RBFOX1: variants seen among roughly 807,000 people sequenced by gnomAD.
RBFOX1 encodes the protein RNA binding fox-1 homolog 1, also known as RNA binding protein fox-1 homolog 1.
A neutral mutation model predicts 57.7 loss-of-function variants in RBFOX1; 8 were observed. That is an observed-to-expected ratio of 0.14 (90% CI 0.08 to 0.25). RBFOX1 has a LOEUF of 0.25. RBFOX1 is among the 10% of genes least tolerant of loss of function. The pLI is 1.00. For missense variants in RBFOX1, 611 were observed against 548.5 expected (o/e 1.11, Z -1.14); for synonymous variants, 326 against 222.4 (o/e 1.47, Z -4.15).
At chr16:5,555,222 A>C (rs1036769309) in intron 2 of RBFOX1, among the ~76,000 whole-genome samples, 1 of 152,140 alleles carries the variant, frequency 6.6e-6, no homozygotes, top group African/African-American at 2.4e-5. Context: ...GTGCAAAAGT[A>C]ATTGCGGTTT....
chr16:6,880,832 G>C (rs531112704), intron 3 of RBFOX1, among the ~76,000 whole-genome samples: 1 of 152,194 alleles, frequency 6.6e-6, no homozygotes, highest in Non-Finnish European at 1.5e-5. Context: ...ATATAAATGT[G>C]TTGGAATTGC....
In RBFOX1 at chr16:5,424,984, T is replaced by TTC. The variant is rs2067497150; in HGVS notation, c.220-42231_220-42230insCT. Among the ~76,000 whole-genome samples the TTC allele has an allele frequency of 4.4e-5, 3 of 68,918 alleles. No individual in the cohort carries two copies. In the Admixed American group the frequency reaches 4.7e-4, roughly 11 times the overall value. 45.2% of individuals were successfully genotyped at this position (68,918 alleles called of 152,430 possible). On this transcript the variant is annotated intron_variant, in intron 1 of 2. Coordinates refer to the RBFOX1 transcript ENST00000585867. ...TCTTTCTCTTTCTTTCTTTCTTTTC[T>TTC]TTTCTTTTCTTTTCTTTTCTTTTCT...
intron 3 of RBFOX1, among the ~76,000 whole-genome samples, chr16:5,790,010 G>A (rs2054635335): frequency 6.6e-6 from 1 of 152,190 alleles, no homozygotes; most frequent in African/African-American, 2.4e-5. Context: ...TCTCTCCCAT[G>A]TGATGTGTGA....
chr16:5,739,500 A>G (rs1012487699), intron 3 of RBFOX1, among the ~76,000 whole-genome samples: 3 of 152,206 alleles, frequency 2.0e-5, no homozygotes, highest in African/African-American at 7.2e-5. Flanking sequence ...AAAGCATAAG[A>G]GTACTTGTGT....
rs1254609473 is a variant in RBFOX1 at position 7,071,861 on chromosome 16, T to A, written c.27+19763T>A. 3.9e-5 allele frequency among the ~76,000 whole-genome samples: 6 copies of A among 152,082 alleles called. No homozygotes were observed. The East Asian group carries it at 9.6e-4, about 24-fold the overall frequency. ...CTGCTCTTCCTCCCTTATCATGTCT[T>A]TTTACAACAGCTCCTAATTCAGTTG... On this transcript the variant is annotated intron_variant, in intron 4 of 15. Transcript: ENST00000550418.
intron 2 of RBFOX1, among the ~76,000 whole-genome samples, chr16:6,339,227 G>T (rs2084186060): frequency 6.6e-6 from 1 of 152,204 alleles, no homozygotes; most frequent in African/African-American, 2.4e-5. Flanking sequence ...ATTGAGGAGT[G>T]TCCTTAGAGG....
intron 3 of RBFOX1, among the ~76,000 whole-genome samples, chr16:6,953,616 A>T (rs1598268438): frequency 1.3e-5 from 2 of 152,268 alleles, no homozygotes; most frequent in Admixed American, 1.3e-4. Context: ...GAAACTGCTG[A>T]CTTGAAGTGA....
intron 2 of RBFOX1, among the ~76,000 whole-genome samples, chr16:6,507,819 G>T (rs762284948): frequency 8.5e-5 from 13 of 152,170 alleles, no homozygotes; most frequent in African/African-American, 3.1e-4. Context: ...GGGCTAGAAG[G>T]AGGGGGGAAT....
chr16:5,301,149 C>T lies in RBFOX1; in HGVS notation c.219+61044C>T, dbSNP rs116271073. Reference sequence around the variant, plus strand: ...CTTCGAGACCAGTTTACAGAAAGACCGTTGCTTCCATCTTGTTTGTTCTTT... The same window carrying T: ...CTTCGAGACCAGTTTACAGAAAGACTGTTGCTTCCATCTTGTTTGTTCTTT... On this transcript the variant is annotated intron_variant, in intron 1 of 2. Transcript: ENST00000585867. Among the ~76,000 whole-genome samples, 532 of 152,202 alleles carry T rather than the reference C, an allele frequency of 3.5e-3. 2 individuals are homozygous for T. Among genetic ancestry groups the T allele is most frequent in the African/African-American group, 0.012 (499 of 41,532 alleles).
intron 2 of RBFOX1, among the ~76,000 whole-genome samples, chr16:6,472,441 G>A (rs536408141): frequency 3.0e-4 from 46 of 152,242 alleles, no homozygotes; most frequent in Non-Finnish European, 5.4e-4. Flanking sequence ...TCTGCACTTG[G>A]CCCAAGTCAA....
At chr16:5,877,419 G>C (rs1014182033) in intron 4 of RBFOX1, among the ~76,000 whole-genome samples, 3 of 152,246 alleles carry the variant, frequency 2.0e-5, no homozygotes, top group African/African-American at 4.8e-5. Flanking sequence ...TGGGTTCAAG[G>C]GGGAGAGTGA....
At chr16:7,056,543 T>C (rs1335432155) in intron 4 of RBFOX1, among the ~76,000 whole-genome samples, 1 of 152,152 alleles carries the variant, frequency 6.6e-6, no homozygotes, top group Non-Finnish European at 1.5e-5. Context: ...CTCCAGCATC[T>C]GCACCAACAG....
chr16:7,569,893 G>A (rs2092594932), intron 5 of RBFOX1, among the ~76,000 whole-genome samples: 1 of 152,088 alleles, frequency 6.6e-6, no homozygotes, highest in African/African-American at 2.4e-5. Context: ...TACAGCTAGT[G>A]AACTTGATTT....
At chr16:5,526,382 G>A (rs895483178) in intron 2 of RBFOX1, among the ~76,000 whole-genome samples, 2 of 152,208 alleles carry the variant, frequency 1.3e-5, no homozygotes, top group South Asian at 4.1e-4. Flanking sequence ...CCTGCCTCCC[G>A]GGGTCAAGTG....
intron 1 of RBFOX1, among the ~76,000 whole-genome samples, chr16:6,220,608 G>A (rs1051337393): frequency 6.6e-6 from 1 of 152,122 alleles, no homozygotes; most frequent in Non-Finnish European, 1.5e-5. Context: ...TTTTATTGTA[G>A]CCATAAACTA....
At chr16:6,246,961 T>G in intron 1 of RBFOX1, among the ~76,000 whole-genome samples, 1 of 152,036 alleles carries the variant, frequency 6.6e-6, no homozygotes, top group East Asian at 1.9e-4. Flanking sequence ...TCCCAGCCGC[T>G]TGGGAGGCTG....
chr16:5,559,597 C>A (rs924201232), intron 2 of RBFOX1, among the ~76,000 whole-genome samples: 4 of 152,186 alleles, frequency 2.6e-5, no homozygotes, highest in Non-Finnish European at 4.4e-5. Context: ...GGTTCCCCTG[C>A]CCTAAAGGCG....
chr16:6,973,133 A>G (rs573754918), intron 3 of RBFOX1, among the ~76,000 whole-genome samples: 1 of 152,164 alleles, frequency 6.6e-6, no homozygotes, highest in Admixed American at 6.5e-5. Flanking sequence ...TCCATTGTCT[A>G]AATAAATTAA....
In RBFOX1 at chr16:7,182,424, G is replaced by C. The variant is rs1602107356; in HGVS notation, c.27+130326G>C. 3.9e-5 allele frequency among the ~76,000 whole-genome samples: 6 copies of C among 152,228 alleles called. No individual in the cohort carries two copies. In the South Asian group the frequency reaches 1.2e-3, roughly 32 times the overall value. The stretch of plus-strand genomic sequence containing the variant: ...GCCTGATGAATTCGTTCATGTTCTT[G>C]GCTCGAAAGTTCTTAGCAGCAGCAG... On this transcript the variant is annotated intron_variant, in intron 4 of 15. Transcript: ENST00000550418.
Sources: gnomAD v4.1 joint callset for allele counts (sites outside exome capture counted in the v4.1 genomes callset) on GRCh38, gnomAD v4.1.1 for gene constraint, MANE v1.5 for transcripts, NCBI Gene and HGNC (gene_info 2026-07-23, HGNC 2026-07-21) for gene names.